Variants in CMTR1 observed in about 807,000 individuals in gnomAD.
CMTR1 encodes cap-specific mRNA (nucleoside-2'-O-)-methyltransferase 1.
Under a neutral mutation model 107.0 loss-of-function variants are expected in CMTR1, and 39 were observed. The observed-to-expected ratio is 0.36, with a 90% CI of 0.28 to 0.48. The LOEUF (loss-of-function observed/expected upper bound fraction) is 0.48, where lower values mean the gene tolerates loss of function less well. Among genes scored for constraint, CMTR1 ranks in the 20% least tolerant of loss-of-function variants. The probability of loss-of-function intolerance (pLI) is 0.99; values close to 1 mark genes in which losing one functional copy is unlikely to be tolerated. For missense variants in CMTR1, 672 were observed against 1,064.9 expected, an observed-to-expected ratio of 0.63 and a Z score of 5.14; for synonymous variants, 366 against 379.5, an observed-to-expected ratio of 0.96 and a Z score of 0.41.
intron 4 of CMTR1, among the ~76,000 whole-genome samples, chr6:37,447,494 C>T (rs547714484): frequency 2.6e-5 from 4 of 152,296 alleles, no homozygotes; most frequent in African/African-American, 4.8e-5. Context: ...TGTCTTCATT[C>T]GTGTTAAAAC....
intron 18 of CMTR1, 113 bp from the exon 19 acceptor site, chr6:37,475,208 G>A: frequency 1.2e-6 from 1 of 814,884 alleles, no homozygotes; most frequent in South Asian, 1.5e-5. Context: ...TGCATTTAGA[G>A]CCCTACCCTT....
chr6:37,479,298 A>T, intron 23 of CMTR1, 43 bp downstream of exon 23: 1 of 1,406,238 alleles, frequency 7.1e-7, no homozygotes, highest in Non-Finnish European at 1.0e-6. Context: ...AGCAGCCTCA[A>T]GTACTCCTGC....
In CMTR1 at chr6:37,458,870, A is replaced by G. The variant is rs1330696449; in HGVS notation, c.976+60A>G. 1.3e-6 allele frequency: 2 copies of G among 1,497,866 alleles called. No homozygotes were observed. Among genetic ancestry groups the G allele is most frequent in the Admixed American group, 1.7e-5 (1 of 57,572 alleles). The allele number at this position is 1,497,866 out of a possible 1,614,324, so 92.8% of individuals were successfully genotyped here. A position where few individuals can be genotyped will look rare whatever the true frequency, so the allele number is the denominator to read the frequency against. ...GGGACAGCCCCTCTATGGGGACTTC[A>G]GGTCAGAAGCAGTTGTTATCCACAT... On this transcript the variant is annotated intron_variant, in intron 9 of 23. Transcript: ENST00000373451. The surrounding 1 kb of genome is among the most constrained non-coding windows in gnomAD (Gnocchi z 4.7).
intron 13 of CMTR1, among the ~76,000 whole-genome samples, chr6:37,465,162 G>A (rs1175349387): frequency 6.6e-6 from 1 of 151,872 alleles, no homozygotes; most frequent in Admixed American, 6.6e-5. Flanking sequence ...CAGCTACTGG[G>A]GAGGCTGAGG....
In CMTR1 at chr6:37,435,880, G is replaced by A. The variant is rs1771518270; in HGVS notation, c.133+118G>A. The A allele has an allele frequency of 3.9e-6, 4 of 1,037,746 alleles. No homozygotes were observed. The Admixed American group carries it at 1.0e-4, about 26-fold the overall frequency. 64.3% of individuals were successfully genotyped at this position (1,037,746 alleles called of 1,614,324 possible). On this transcript the variant is annotated intron_variant, in intron 2 of 23. Coordinates refer to ENST00000373451, the MANE Select transcript of CMTR1 (RefSeq NM_015050.3). ...CCCTTGGTCCCTTGAGGAAAATTAG[G>A]AATACTCTACAGAGAGATGTTGGCT...
intron 19 of CMTR1, 115 bp downstream of exon 19, chr6:37,475,527 TGA>T (rs1309001716): frequency 1.2e-6 from 1 of 844,442 alleles, no homozygotes; most frequent in Admixed American, 2.3e-5. Context: ...GTTGACATCC[TGA>T]GAGTTTCCCC....
intron 6 of CMTR1, among the ~76,000 whole-genome samples, chr6:37,452,789 G>A (rs1761208586): frequency 6.6e-6 from 1 of 152,194 alleles, no homozygotes; most frequent in Admixed American, 6.5e-5. Context: ...GTGGCTCTGT[G>A]TGTAGCAGCG....
At chr6:37,473,696 CT>C in intron 17 of CMTR1, 95 bp downstream of exon 17, 1 of 1,433,822 alleles carries the variant, frequency 7.0e-7, no homozygotes, top group Non-Finnish European at 9.4e-7. Context: ...TACATGTTCT[CT>C]TGGCATTAAG....
At chr6:37,435,839 G>A in intron 2 of CMTR1, 77 bp downstream of exon 2, 1 of 1,458,146 alleles carries the variant, frequency 6.9e-7, no homozygotes, top group Non-Finnish European at 9.1e-7. Flanking sequence ...AGGTGGAGCA[G>A]ACTATAGTCC....
At chr6:37,465,954 T>A (rs1408475885) in intron 13 of CMTR1, among the ~76,000 whole-genome samples, 3 of 152,010 alleles carry the variant, frequency 2.0e-5, no homozygotes, top group African/African-American at 7.3e-5. Flanking sequence ...CTGCATTGAT[T>A]GTGTCCTTTG....
At chr6:37,478,587 C>A in intron 22 of CMTR1, 66 bp downstream of exon 22, 1 of 1,284,816 alleles carries the variant, frequency 7.8e-7, no homozygotes, top group Non-Finnish European at 1.1e-6. Context: ...GGTGATGGGT[C>A]CAGACCCTAC....
At chr6:37,477,315 C>CAAAG (rs1223843636) in intron 20 of CMTR1, among the ~76,000 whole-genome samples, 1 of 152,208 alleles carries the variant, frequency 6.6e-6, no homozygotes, top group East Asian at 1.9e-4. Context: ...GACTTTTCTT[C>CAAAG]CTCTTTCTCC....
rs1192786730 is a variant in CMTR1, at chr6:37,458,593, C to T, written c.778-19C>T. The T allele has an allele frequency of 1.9e-6, 3 of 1,611,608 alleles. No homozygotes were observed. The highest frequency in any genetic ancestry group is 2.5e-6 in the Non-Finnish European group (3 of 1,179,484). On this transcript the variant is annotated intron_variant, in intron 8 of 23. Coordinates refer to ENST00000373451, the MANE Select transcript of CMTR1 (RefSeq NM_015050.3). This position sits in a 1 kb window ranked among gnomAD's most constrained non-coding sequence, Gnocchi z 4.7. ...TGTCTTGTTTTCCTTCCTCTCCTGT[C>T]CTCCACTTGCCTTTGCAGAAGCCAC...
chr6:37,436,219 T>C lies in CMTR1; in HGVS notation c.133+457T>C, dbSNP rs570337809. On this transcript the variant is annotated intron_variant, in intron 2 of 23. Coordinates refer to ENST00000373451, the MANE Select transcript of CMTR1 (RefSeq NM_015050.3). ...GTTGTGGTCAGAAGTATCCAACTAC[T>C]GGAGCATTGCTGCGTTCACTGTTTG... The C allele has an allele frequency of 1.1e-3, 176 of 153,666 alleles. 4 individuals are homozygous for C. Among genetic ancestry groups the C allele is most frequent in the Non-Finnish European group, 3.0e-4 (21 of 69,116 alleles). 9.5% of individuals were successfully genotyped at this position (153,666 alleles called of 1,614,324 possible).
chr6:37,453,309 T>A lies in CMTR1; in HGVS notation c.774T>A (p.Tyr258Ter), dbSNP rs1427843069. The change falls in exon 8 of 24, where the codon TAT becomes TAA. Residue 258 changes from tyrosine (Y) to a stop codon, truncating the protein, a stop_gained. Coordinates refer to ENST00000373451, the MANE Select transcript of CMTR1 (RefSeq NM_015050.3). LOFTEE classifies it high-confidence loss of function. ...DRMFTNPRDS[Y>*]GKPLVKDREA... ...TGTTCACAAATCCGCGGGACTCTTA[T>A]GGGGTGAGAACAAGATTCTGCTTCT... is the stretch of plus-strand genomic sequence containing the variant. 1.2e-6 allele frequency: 2 copies of A among 1,614,028 alleles called. No homozygotes were observed. The highest frequency in any genetic ancestry group is 1.7e-6 in the Non-Finnish European group (2 of 1,179,890).
chr6:37,474,235 C>T (rs980831340), intron 17 of CMTR1, among the ~76,000 whole-genome samples: 2 of 152,234 alleles, frequency 1.3e-5, no homozygotes, highest in Non-Finnish European at 2.9e-5. Context: ...ATATACGAAA[C>T]TGGATCTTTT....
At chr6:37,431,208 A>T (rs1771358609), upstream of CMTR1, among the ~76,000 whole-genome samples, 1 of 152,174 alleles carries the variant, frequency 6.6e-6, no homozygotes, top group African/African-American at 2.4e-5. Context: ...TTTGCTAAAT[A>T]TGTTAACTTT....
chr6:37,479,028 C>T, intron 22 of CMTR1, 119 bp from the exon 23 acceptor site: 1 of 680,678 alleles, frequency 1.5e-6, no homozygotes, highest in East Asian at 2.7e-5. Context: ...CGGGCTATTC[C>T]CTGCTTGCTT....
chr6:37,469,007 T>C (rs1265341078), intron 13 of CMTR1, among the ~76,000 whole-genome samples: 6 of 152,222 alleles, frequency 3.9e-5, no homozygotes, highest in Admixed American at 2.6e-4. Context: ...AGCTTGAGAC[T>C]GGCCTGGCCA....
Sources: gnomAD v4.1 joint callset for allele counts (sites outside exome capture counted in the v4.1 genomes callset) on GRCh38, gnomAD v4.1.1 for gene constraint, Gnocchi (gnomAD v3.1) non-coding constraint, MANE v1.5 for transcripts, NCBI Gene and HGNC (gene_info 2026-07-23, HGNC 2026-07-21) for gene names.